Variants in PLCH2 observed in about 807,000 individuals in gnomAD.
PLCH2 encodes 1-phosphatidylinositol 4,5-bisphosphate phosphodiesterase eta-2.
Under a neutral mutation model 134.7 loss-of-function variants are expected in PLCH2, and 98 were observed. The observed-to-expected ratio is 0.73, with a 90% CI of 0.62 to 0.86. The LOEUF (loss-of-function observed/expected upper bound fraction) is 0.86. PLCH2 is among the 40% of genes least tolerant of loss of function. The pLI is 0.00. For missense variants in PLCH2, 1,994 were observed against 1,986.6 expected (o/e 1.00, Z -0.07); for synonymous variants, 974 against 827.5 (o/e 1.18, Z -3.04).
Position 2,496,612 on chromosome 1 carries a change from C to G in PLCH2, c.1841C>G (p.Thr614Ser). The G allele has an allele frequency of 6.2e-7, 1 of 1,610,472 alleles. No homozygotes were observed. Among genetic ancestry groups the G allele is most frequent in the Non-Finnish European group, 8.5e-7 (1 of 1,178,806 alleles). ...ACCCCCTGCACCTGCCACAGGGCGACCCGGCAGAAGAAGACCATGAAGCTG... is the reference window on the plus strand; with the variant it reads ...ACCCCCTGCACCTGCCACAGGGCGAGCCGGCAGAAGAAGACCATGAAGCTG... ...DSPGGQSRGA[T>S]RQKKTMKLSR... The change falls in exon 14 of 22, where the codon ACC becomes AGC. Residue 614 changes from threonine to serine, a missense_variant. Physicochemically the swap from Thr to Ser is moderately conservative, Grantham distance 58. Around this residue, in one of 2 missense-constraint regions of PLCH2, gnomAD observed 1,094 missense variants for 1,234.3 expected, o/e 0.89. Coordinates refer to ENST00000378486, the MANE Select transcript of PLCH2 (RefSeq NM_014638.4).
At chr1:2,469,030 G>C (rs1641202476) in intron 1 of PLCH2, among the ~76,000 whole-genome samples, 1 of 152,294 alleles carries the variant, frequency 6.6e-6, no homozygotes, top group South Asian at 2.1e-4. Flanking sequence ...CAGGGCTGCT[G>C]GGCAGACACT....
chr1:2,441,355 G>A (rs1186393934), intron 2 of PLCH2, among the ~76,000 whole-genome samples: 1 of 152,226 alleles, frequency 6.6e-6, no homozygotes, highest in Non-Finnish European at 1.5e-5. Context: ...GCTTCTGCCA[G>A]CTCCTGGGCC....
chr1:2,424,485 T>C (rs1342932632), upstream of PLCH2, among the ~76,000 whole-genome samples: 4 of 152,210 alleles, frequency 2.6e-5, no homozygotes, highest in Non-Finnish European at 4.4e-5. Flanking sequence ...CTCCTGTGGT[T>C]TGGCTTATAT....
intron 20 of PLCH2, chr1:2,500,940 C>T (rs1284508896): frequency 6.7e-6 from 1 of 149,794 alleles, no homozygotes; most frequent in Admixed American, 6.6e-5. Context: ...CTCCTTCTCT[C>T]TCCTGCCCCC....
At chr1:2,455,721 A>G (rs1189210774) in intron 2 of PLCH2, among the ~76,000 whole-genome samples, 3 of 152,108 alleles carry the variant, frequency 2.0e-5, no homozygotes, top group Non-Finnish European at 4.4e-5. Flanking sequence ...GGAGGCTCCC[A>G]GGTGGCAAAG....
intron 1 of PLCH2, among the ~76,000 whole-genome samples, chr1:2,470,277 T>C (rs1039478483): frequency 4.6e-5 from 7 of 152,118 alleles, no homozygotes; most frequent in East Asian, 1.9e-4. Context: ...CTGGGTCAGC[T>C]GGTGTGTGGG....
chr1:2,469,282 T>C (rs972843073), intron 1 of PLCH2, among the ~76,000 whole-genome samples: 2 of 152,118 alleles, frequency 1.3e-5, no homozygotes, highest in Admixed American at 6.5e-5. Flanking sequence ...CCCAGCACAC[T>C]TGGGGTCTGC....
At position 2,450,018 on chromosome 1, in the gene PLCH2, T is replaced by G. The variant is rs529434795; in HGVS notation, c.115+19389T>G. ...CTGGGGAAGTGGGTGAATGAAGCTG[T>G]TTCTCTGCATACAGTGTCTCCCTGG... On this transcript the variant is annotated intron_variant, in intron 2 of 3. Coordinates refer to the PLCH2 transcript ENST00000609981. Among the ~76,000 whole-genome samples, 6 of 152,288 alleles carry G rather than the reference T, an allele frequency of 3.9e-5. No homozygotes were observed. The East Asian group carries it at 1.2e-3, about 29-fold the overall frequency.
At chr1:2,423,167 T>G (rs1184560106), upstream of PLCH2, among the ~76,000 whole-genome samples, 2 of 141,968 alleles carry the variant, frequency 1.4e-5, no homozygotes, top group Non-Finnish European at 3.2e-5. Flanking sequence ...TTTATTTAGT[T>G]TTTTTGTTTG....
intron 2 of PLCH2, chr1:2,479,044 C>T (rs1187512887): frequency 1.6e-5 from 3 of 187,578 alleles, no homozygotes; most frequent in South Asian, 1.4e-4. Context: ...AGGGGCCACC[C>T]GAGATGGAGG....
At chr1:2,438,219 A>C (rs575891513) in intron 2 of PLCH2, among the ~76,000 whole-genome samples, 1 of 152,362 alleles carries the variant, frequency 6.6e-6, no homozygotes, top group Admixed American at 6.5e-5. Context: ...GGCGCTCGGC[A>C]GACGGTGTGT....
At chr1:2,499,817 CT>C in intron 20 of PLCH2, 97 bp downstream of exon 20, 3 of 974,356 alleles carry the variant, frequency 3.1e-6, no homozygotes, top group Non-Finnish European at 4.8e-6. Flanking sequence ...GGGTCCTGAA[CT>C]CAGGCAGTGA....
intron 2 of PLCH2, among the ~76,000 whole-genome samples, chr1:2,454,283 A>G (rs1271515556): frequency 6.6e-6 from 1 of 152,068 alleles, no homozygotes; most frequent in Admixed American, 6.5e-5. Context: ...CCCGCCCACC[A>G]TGCCCGACTC....
chr1:2,499,822 G>A (rs1043013776), intron 20 of PLCH2, 102 bp downstream of exon 20: 1 of 918,758 alleles, frequency 1.1e-6, no homozygotes, highest in Admixed American at 2.0e-5. Context: ...CTGAACTCAG[G>A]CAGTGAGGCC....
upstream of PLCH2, among the ~76,000 whole-genome samples, chr1:2,466,502 G>A (rs181021306): frequency 6.5e-3 from 989 of 152,282 alleles, 5 homozygotes; most frequent in Non-Finnish European, 9.5e-3. Context: ...CTGGGGCCCC[G>A]CATGGCAGGA....
At chr1:2,445,556 G>A (rs1639902327) in intron 2 of PLCH2, among the ~76,000 whole-genome samples, 1 of 151,998 alleles carries the variant, frequency 6.6e-6, no homozygotes, top group Non-Finnish European at 1.5e-5. Flanking sequence ...GGCTGTGGGT[G>A]GGGAACAGCT....
chr1:2,500,223 G>A (rs1643140468), intron 20 of PLCH2: 2 of 172,154 alleles, frequency 1.2e-5, no homozygotes, highest in South Asian at 2.9e-4. Flanking sequence ...TCCGCAGGAA[G>A]TGGTCTTGGT....
chr1:2,476,681 G>A lies in PLCH2; in HGVS notation c.93G>A (p.Val31=). 1 of 1,610,792 alleles carries A rather than the reference G, an allele frequency of 6.2e-7. No homozygotes were observed. The highest frequency in any genetic ancestry group is 8.5e-7 in the Non-Finnish European group (1 of 1,179,180). ...TCCTCTGGGTTGGAGGGAGTGTGGT[G>A]CTGTCTTCAGAGTGGCAGCTCGGCC... is the stretch of plus-strand genomic sequence containing the variant. ...EVLLWVGGSV[V]LSSEWQLGPL... Residue 31 remains valine (V), a synonymous_variant, in exon 1 of 22, where the codon GTG becomes GTA. Transcript: ENST00000378486.
At chr1:2,453,477 C>G (rs915135676) in intron 2 of PLCH2, among the ~76,000 whole-genome samples, 8 of 152,192 alleles carry the variant, frequency 5.3e-5, no homozygotes, top group African/African-American at 2.4e-5. Context: ...AAGGGGGCCA[C>G]TGGCCCCGGA....
Sources: allele counts gnomAD v4.1 joint callset (sites outside exome capture counted in the v4.1 genomes callset), GRCh38; gene constraint gnomAD v4.1.1; regional missense constraint gnomAD v4.1.1; transcripts MANE v1.5; gene names NCBI Gene and HGNC (gene_info 2026-07-23, HGNC 2026-07-21).